TMEM132D: variants seen among roughly 807,000 people sequenced by gnomAD.
TMEM132D encodes mature OL transmembrane protein.
TMEM132D carries 21 observed loss-of-function variants against 62.3 expected under a neutral mutation model. The ratio of observed to expected loss-of-function variants is 0.34; its 90% CI spans 0.24 to 0.49. The LOEUF (loss-of-function observed/expected upper bound fraction) is 0.49. Among genes scored for constraint, TMEM132D ranks in the 20% least tolerant of loss-of-function variants. The probability of loss-of-function intolerance (pLI) is 0.99; values close to 1 mark genes in which losing one functional copy is unlikely to be tolerated. For missense variants in TMEM132D, 1,346 were observed against 1,402.8 expected (o/e 0.96, Z 0.65); for synonymous variants, 621 against 575.6 (o/e 1.08, Z -1.13).
chr12:129,663,445 C>G (rs1880295782), intron 2 of TMEM132D, among the ~76,000 whole-genome samples: 1 of 152,182 alleles, frequency 6.6e-6, no homozygotes, highest in African/African-American at 2.4e-5. Flanking sequence ...GCCATGTCTG[C>G]CCATTTTTAT....
intron 3 of TMEM132D, among the ~76,000 whole-genome samples, chr12:129,491,942 A>AC (rs1476877529): frequency 9.3e-5 from 2 of 21,496 alleles, no homozygotes; most frequent in Non-Finnish European, 1.5e-4. Context: ...ATTCTGTCTC[A>AC]AAAAAAAAAA....
At chr12:129,571,229 C>G (rs1434484435) in intron 2 of TMEM132D, among the ~76,000 whole-genome samples, 2 of 152,040 alleles carry the variant, frequency 1.3e-5, no homozygotes, top group African/African-American at 4.8e-5. Flanking sequence ...TCTATGAATG[C>G]TAGGAGTTAT....
chr12:129,809,610 T>C (rs1872106115), intron 1 of TMEM132D, among the ~76,000 whole-genome samples: 1 of 152,176 alleles, frequency 6.6e-6, no homozygotes, highest in South Asian at 2.1e-4. Context: ...TTTTTGTGAA[T>C]TTTCTGACCT....
intron 3 of TMEM132D, among the ~76,000 whole-genome samples, chr12:129,406,726 G>C (rs890624249): frequency 6.6e-6 from 1 of 152,080 alleles, no homozygotes; most frequent in East Asian, 1.9e-4. Context: ...GGGCTACTTC[G>C]TATGCCTCAT....
chr12:129,713,402 G>GTTTTTTTTT, intron 1 of TMEM132D, among the ~76,000 whole-genome samples: 1 of 138,840 alleles, frequency 7.2e-6, no homozygotes, highest in Non-Finnish European at 1.7e-5. Flanking sequence ...TTGGTTTTTT[G>GTTTTTTTTT]TTGTTTTTTT....
intron 1 of TMEM132D, among the ~76,000 whole-genome samples, chr12:129,751,735 T>C (rs1252166209): frequency 6.6e-6 from 1 of 152,356 alleles, no homozygotes; most frequent in African/African-American, 2.4e-5. Flanking sequence ...AACAAAGCCA[T>C]GTCTGCATAA....
intron 2 of TMEM132D, among the ~76,000 whole-genome samples, chr12:129,548,970 A>G (rs1462679073): frequency 6.6e-6 from 1 of 152,270 alleles, no homozygotes; most frequent in African/African-American, 2.4e-5. Context: ...CTGAAATTTC[A>G]CATCACTCGT....
At chr12:129,755,848 G>A (rs1317302946) in intron 1 of TMEM132D, among the ~76,000 whole-genome samples, 2 of 152,154 alleles carry the variant, frequency 1.3e-5, no homozygotes, top group Non-Finnish European at 2.9e-5. Flanking sequence ...TATCGTCTTA[G>A]AGTCAAACTT....
In TMEM132D at chr12:129,284,114, G is replaced by A. The variant is rs117471265; in HGVS notation, c.1299+53520C>T. ...AGCCAGCAGCTGGATGTGCATATGA[G>A]GCCTTTAGACCATCGGGGACATTTC... On this transcript the variant is annotated intron_variant, in intron 4 of 8. Transcript: ENST00000422113. Among the ~76,000 whole-genome samples the A allele has an allele frequency of 2.6e-4, 40 of 152,348 alleles. No individual in the cohort carries two copies. The East Asian group carries it at 7.5e-3, about 29-fold the overall frequency.
At position 129,510,348 on chromosome 12, in the gene TMEM132D, T is replaced by C. The variant is rs367930642; in HGVS notation, c.1115+20711A>G. On this transcript the variant is annotated intron_variant, in intron 3 of 8. Transcript: ENST00000422113. ...CCTATAGAGTTGTTAGAGCTCCTTA[T>C]ATATTCTGGTTATTAATGCTTTGTC... is the stretch of plus-strand genomic sequence containing the variant. 2.6e-3 allele frequency among the ~76,000 whole-genome samples: 392 copies of C among 152,322 alleles called. 1 individual carries two copies. Among genetic ancestry groups the C allele is most frequent in the African/African-American group, 9.0e-3 (373 of 41,572 alleles).
chr12:129,480,973 G>A (rs1874411734), intron 3 of TMEM132D, among the ~76,000 whole-genome samples: 1 of 152,094 alleles, frequency 6.6e-6, no homozygotes. Context: ...AATGAAACAT[G>A]GCGGATGAAC....
Position 129,162,085 on chromosome 12 carries a change from T to G in TMEM132D, c.1443+47435A>C, listed in dbSNP as rs555160021. On this transcript the variant is annotated intron_variant, in intron 5 of 8. Coordinates refer to ENST00000422113, the MANE Select transcript of TMEM132D (RefSeq NM_133448.3). ...GGGCTGAACTGTGTCCCCCCTCAAT[T>G]CCCTATGTTTAAGCTCTAACTCCAA... Among the ~76,000 whole-genome samples, 5 of 152,282 alleles carry G rather than the reference T, an allele frequency of 3.3e-5. No individual in the cohort carries two copies. The East Asian group carries it at 9.7e-4, about 29-fold the overall frequency.
At chr12:129,345,935 G>C (rs937120846) in intron 3 of TMEM132D, among the ~76,000 whole-genome samples, 1 of 152,270 alleles carries the variant, frequency 6.6e-6, no homozygotes, top group Admixed American at 6.5e-5. Flanking sequence ...TTTGGTATCA[G>C]GATGATGCTG....
At chr12:129,722,160 C>T (rs1868857715) in intron 1 of TMEM132D, among the ~76,000 whole-genome samples, 1 of 152,186 alleles carries the variant, frequency 6.6e-6, no homozygotes, top group Non-Finnish European at 1.5e-5. Flanking sequence ...TTTCCCTTCT[C>T]CCATATCAAT....
intron 1 of TMEM132D, among the ~76,000 whole-genome samples, chr12:129,771,939 C>T (rs981495781): frequency 2.0e-5 from 3 of 152,146 alleles, no homozygotes; most frequent in Middle Eastern, 3.2e-3. Context: ...GAAACTGAGT[C>T]ACAATAAAGC....
At chr12:129,720,625 T>C (rs1017949504) in intron 1 of TMEM132D, among the ~76,000 whole-genome samples, 1 of 152,058 alleles carries the variant, frequency 6.6e-6, no homozygotes, top group African/African-American at 2.4e-5. Context: ...CACAATCTGG[T>C]TTACAGAAAG....
At chr12:129,633,660 G>A (rs546184806) in intron 2 of TMEM132D, among the ~76,000 whole-genome samples, 99 of 152,256 alleles carry the variant, frequency 6.5e-4, no homozygotes, top group African/African-American at 2.3e-3. Context: ...CATGGTGAGA[G>A]TGTGATGGAT....
chr12:129,155,713 G>A (rs1044337381), intron 5 of TMEM132D, among the ~76,000 whole-genome samples: 8 of 152,170 alleles, frequency 5.3e-5, no homozygotes, highest in African/African-American at 1.9e-4. Flanking sequence ...AGGGCTGGAT[G>A]CATCCTTTTA....
At chr12:129,882,959 T>C (rs1456158257) in intron 1 of TMEM132D, among the ~76,000 whole-genome samples, 1 of 152,142 alleles carries the variant, frequency 6.6e-6, no homozygotes, top group African/African-American at 2.4e-5. Flanking sequence ...TCCCCTAAGT[T>C]TGGGAATAGA....
Sources: gnomAD v4.1 joint callset for allele counts (sites outside exome capture counted in the v4.1 genomes callset) on GRCh38, gnomAD v4.1.1 for gene constraint, MANE v1.5 for transcripts, NCBI Gene and HGNC (gene_info 2026-07-23, HGNC 2026-07-21) for gene names.